ROBO1: variants seen among roughly 807,000 people sequenced by gnomAD.
ROBO1 encodes the protein roundabout guidance receptor 1.
In ROBO1, 149 loss-of-function variants were observed where a neutral mutation model predicts 195.9. That is an observed-to-expected ratio of 0.76 (90% CI 0.67 to 0.87). The LOEUF (loss-of-function observed/expected upper bound fraction) is 0.87, where lower values mean the gene tolerates loss of function less well. Ranked by LOEUF, ROBO1 falls within the 40% of genes least tolerant of loss-of-function variation. The probability of loss-of-function intolerance (pLI) is 0.00; values close to 1 mark genes in which losing one functional copy is unlikely to be tolerated. For missense variants in ROBO1, 1,933 were observed against 2,068.3 expected, an observed-to-expected ratio of 0.93 and a Z score of 1.27; for synonymous variants, 816 against 733.2, an observed-to-expected ratio of 1.11 and a Z score of -1.82.
intron 8 of ROBO1, among the ~76,000 whole-genome samples, chr3:78,712,581 T>C (rs1342175603): frequency 6.6e-6 from 1 of 152,190 alleles, no homozygotes; most frequent in Non-Finnish European, 1.5e-5. Context: ...TTAATAGGCA[T>C]ATTTTATTTT....
chr3:79,679,605 G>C (rs980142723), intron 1 of ROBO1, among the ~76,000 whole-genome samples: 1 of 151,976 alleles, frequency 6.6e-6, no homozygotes, highest in Non-Finnish European at 1.5e-5. Flanking sequence ...AATTTAACAA[G>C]TAATATATTC....
chr3:79,408,385 T>G (rs2037634856), intron 2 of ROBO1, among the ~76,000 whole-genome samples: 1 of 152,014 alleles, frequency 6.6e-6, no homozygotes, highest in African/African-American at 2.4e-5. Flanking sequence ...TTAATGAATA[T>G]TCATTGAATA....
chr3:79,012,149 T>C (rs1485595600), intron 3 of ROBO1, among the ~76,000 whole-genome samples: 2 of 152,224 alleles, frequency 1.3e-5, no homozygotes, highest in Non-Finnish European at 2.9e-5. Context: ...AAATGTTTTC[T>C]AGTAAACCTT....
intron 2 of ROBO1, among the ~76,000 whole-genome samples, chr3:79,200,124 G>A (rs1174607937): frequency 6.6e-6 from 1 of 151,658 alleles, no homozygotes; most frequent in Non-Finnish European, 1.5e-5. Context: ...GTCAAAGCAG[G>A]TGAAGGCAAG....
rs199764690 is a variant in ROBO1, at chr3:79,007,377, C to A, written c.173-68450G>T. 2.6e-5 allele frequency among the ~76,000 whole-genome samples: 4 copies of A among 152,004 alleles called. No homozygotes were observed. In the East Asian group the frequency reaches 7.7e-4, roughly 29 times the overall value. ...AAAGTAATGAGGAAAGAATAAAGAC[C>A]GTGCTCAGGGTACCACGGAGAGGGC... On this transcript the variant is annotated intron_variant, in intron 3 of 30. Coordinates refer to ENST00000464233, the MANE Select transcript of ROBO1 (RefSeq NM_002941.4).
At chr3:79,425,406 C>T (rs2038405036) in intron 2 of ROBO1, among the ~76,000 whole-genome samples, 1 of 152,078 alleles carries the variant, frequency 6.6e-6, no homozygotes, top group Non-Finnish European at 1.5e-5. Context: ...TCTTCTGAAT[C>T]CTGAGAACAG....
At chr3:79,535,174 G>A (rs6789874) in intron 2 of ROBO1, among the ~76,000 whole-genome samples, 110,750 of 151,996 alleles carry the variant, frequency 0.73, 41,473 homozygotes, top group African/African-American at 0.92. Flanking sequence ...TTCCCTTTCA[G>A]CAACAAATCT....
At chr3:78,977,937 A>G (rs1287406665) in intron 3 of ROBO1, among the ~76,000 whole-genome samples, 1 of 152,176 alleles carries the variant, frequency 6.6e-6, no homozygotes, top group Non-Finnish European at 1.5e-5. Flanking sequence ...TAATTATAAT[A>G]GTGCCATCTA....
Position 78,920,624 on chromosome 3 carries a change from GTTTTTTTTTTTT to G in ROBO1, c.499+17965_499+17976del, listed in dbSNP as rs34364869. Among the ~76,000 whole-genome samples the G allele has an allele frequency of 2.8e-3, 173 of 60,950 alleles. 1 individual carries two copies. The highest frequency in any genetic ancestry group is 0.012 in the South Asian group (18 of 1,554). The allele number at this position is 60,950 out of a possible 152,430, so 40.0% of individuals were successfully genotyped here. On this transcript the variant is annotated intron_variant, in intron 4 of 30. Coordinates refer to ENST00000464233, the MANE Select transcript of ROBO1 (RefSeq NM_002941.4). ...CCAGCCTTTCTTTTTCTTTCTTTCA[GTTTTTTTTTTTT>G]TTTTTTTTTTTTTTTTGACAGAAGG...
chr3:79,012,626 T>C (rs1031121199), intron 3 of ROBO1, among the ~76,000 whole-genome samples: 1 of 152,182 alleles, frequency 6.6e-6, no homozygotes, highest in Non-Finnish European at 1.5e-5. Flanking sequence ...ATTTTATGTG[T>C]GGAATAACAC....
At chr3:79,760,864 G>A (rs1215130897) in intron 1 of ROBO1, among the ~76,000 whole-genome samples, 1 of 151,250 alleles carries the variant, frequency 6.6e-6, no homozygotes, top group Admixed American at 6.6e-5. Flanking sequence ...GGGTTTGGGG[G>A]CAAAAAAGAG....
intron 3 of ROBO1, among the ~76,000 whole-genome samples, chr3:79,042,254 C>G (rs1229421789): frequency 6.6e-6 from 1 of 152,154 alleles, no homozygotes; most frequent in Admixed American, 6.5e-5. Context: ...CTAGTCTACA[C>G]ATATACATAC....
chr3:79,583,745 T>C (rs1576068483), intron 2 of ROBO1, among the ~76,000 whole-genome samples: 1 of 151,928 alleles, frequency 6.6e-6, no homozygotes, highest in East Asian at 1.9e-4. Context: ...TGTATGAGAG[T>C]ACTCTTGTTC....
At chr3:79,227,064 T>G (rs1236537664) in intron 2 of ROBO1, among the ~76,000 whole-genome samples, 1 of 152,216 alleles carries the variant, frequency 6.6e-6, no homozygotes, top group Non-Finnish European at 1.5e-5. Flanking sequence ...TGATCCATAC[T>G]CTAAAGTTAT....
intron 2 of ROBO1, among the ~76,000 whole-genome samples, chr3:79,351,055 A>T (rs534825478): frequency 6.6e-6 from 1 of 152,298 alleles, no homozygotes; most frequent in South Asian, 2.1e-4. Context: ...TTTTCCCATG[A>T]GTATGAGTAT....
chr3:79,521,911 C>T (rs1941225382), intron 2 of ROBO1, among the ~76,000 whole-genome samples: 1 of 152,106 alleles, frequency 6.6e-6, no homozygotes, highest in Admixed American at 6.6e-5. Context: ...ACCTTTCCCT[C>T]TTCTTCTATC....
intron 2 of ROBO1, among the ~76,000 whole-genome samples, chr3:79,538,546 A>G (rs2107634497): frequency 6.6e-6 from 1 of 152,242 alleles, no homozygotes; most frequent in Admixed American, 6.5e-5. Context: ...AGCTACTCAA[A>G]TGTTTACTGT....
At chr3:79,316,564 T>A (rs757358458) in intron 2 of ROBO1, among the ~76,000 whole-genome samples, 1 of 152,006 alleles carries the variant, frequency 6.6e-6, no homozygotes, top group Non-Finnish European at 1.5e-5. Context: ...TGGAAGTTAT[T>A]TTCTGGTTGT....
chr3:79,272,402 T>A (rs971330597), intron 2 of ROBO1, among the ~76,000 whole-genome samples: 1 of 151,882 alleles, frequency 6.6e-6, no homozygotes, highest in East Asian at 1.9e-4. Flanking sequence ...TGCAGAAACA[T>A]CACATTGAAC....
Sources: allele counts gnomAD v4.1 joint callset (sites outside exome capture counted in the v4.1 genomes callset), GRCh38; gene constraint gnomAD v4.1.1; transcripts MANE v1.5; gene names NCBI Gene and HGNC (gene_info 2026-07-23, HGNC 2026-07-21).